The following MARCHF1 variants were observed in gnomAD, a reference collection of about 807,000 sequenced individuals.
MARCHF1 encodes the protein E3 ubiquitin-protein ligase MARCHF1.
Under a neutral mutation model 54.2 loss-of-function variants are expected in MARCHF1, and 40 were observed. The ratio of observed to expected loss-of-function variants is 0.74; its 90% confidence interval spans 0.57 to 0.96. MARCHF1 has a LOEUF of 0.96. Ranked by LOEUF, MARCHF1 falls within the 40% of genes least tolerant of loss-of-function variation. MARCHF1 has a pLI of 0.00. For missense variants in MARCHF1, 586 were observed against 656.5 expected, an observed-to-expected ratio of 0.89 and a Z score of 1.17; for synonymous variants, 236 against 236.3, an observed-to-expected ratio of 1.00 and a Z score of 0.01.
At position 163,894,916 on chromosome 4, in the gene MARCHF1, T is replaced by C. The variant is rs71639392; in HGVS notation, c.-38-40747A>G. ...TATATGCATGTGATGCATATATATA[T>C]ATATGCATGTGATGCATATATATAT... On this transcript the variant is annotated intron_variant, in intron 3 of 9. Transcript: ENST00000514618. Among the ~76,000 whole-genome samples, 5 of 55,580 alleles carry C rather than the reference T, an allele frequency of 9.0e-5. 1 individual carries two copies. The highest frequency in any genetic ancestry group is 2.5e-4 in the Admixed American group (1 of 4,006). 36.5% of individuals were successfully genotyped at this position (55,580 alleles called of 152,430 possible).
chr4:164,234,311 C>T (rs1732489921), intron 1 of MARCHF1, among the ~76,000 whole-genome samples: 1 of 152,094 alleles, frequency 6.6e-6, no homozygotes, highest in African/African-American at 2.4e-5. Flanking sequence ...TGAATAATTA[C>T]TATACAATAA....
intron 4 of MARCHF1, among the ~76,000 whole-genome samples, chr4:163,827,372 TAGG>T (rs1268727395): frequency 6.6e-6 from 1 of 152,138 alleles, no homozygotes; most frequent in African/African-American, 2.4e-5. Flanking sequence ...GACACTTCCG[TAGG>T]AGATTATTCT....
At chr4:164,249,185 A>G (rs949181086) in intron 1 of MARCHF1, among the ~76,000 whole-genome samples, 2 of 152,146 alleles carry the variant, frequency 1.3e-5, no homozygotes, top group Non-Finnish European at 2.9e-5. Context: ...AAAGATTAAC[A>G]GAGGAAGAAG....
At chr4:164,180,836 T>C (rs1281844964) in intron 1 of MARCHF1, among the ~76,000 whole-genome samples, 4 of 152,194 alleles carry the variant, frequency 2.6e-5, no homozygotes, top group South Asian at 2.1e-4. Context: ...AACTGCTACA[T>C]CCGCTTGCCA....
chr4:163,738,395 T>C (rs986722035), intron 4 of MARCHF1, among the ~76,000 whole-genome samples: 1 of 147,714 alleles, frequency 6.8e-6, no homozygotes, highest in Non-Finnish European at 1.5e-5. Context: ...TAAATCCCAA[T>C]ACATATATTT....
chr4:164,312,325 T>TC (rs199815200), intron 1 of MARCHF1, among the ~76,000 whole-genome samples: 1,962 of 141,296 alleles, frequency 0.014, 45 homozygotes, highest in African/African-American at 0.049. Context: ...TTTTCTTTTT[T>TC]TTTTTTTTTT....
At chr4:163,828,912 G>A (rs961509653) in intron 4 of MARCHF1, 13 of 152,338 alleles carry the variant, frequency 8.5e-5, no homozygotes, top group African/African-American at 3.1e-4. Context: ...GTTCTAGACA[G>A]AGGTATAGAG....
intron 5 of MARCHF1, among the ~76,000 whole-genome samples, chr4:163,663,929 A>G (rs1743437409): frequency 6.6e-6 from 1 of 151,972 alleles, no homozygotes; most frequent in Non-Finnish European, 1.5e-5. Context: ...ATGTACTTGA[A>G]AAAATGGGGC....
intron 1 of MARCHF1, among the ~76,000 whole-genome samples, chr4:164,264,361 A>C (rs1733549216): frequency 1.3e-5 from 2 of 152,170 alleles, no homozygotes; most frequent in African/African-American, 4.8e-5. Flanking sequence ...AAGGAAGAGA[A>C]GCAGAAAAGA....
chr4:164,309,536 T>C (rs1734791443), intron 1 of MARCHF1, among the ~76,000 whole-genome samples: 1 of 152,210 alleles, frequency 6.6e-6, no homozygotes, highest in Non-Finnish European at 1.5e-5. Context: ...TTATTTAGAT[T>C]AGAAGAAGTG....
chr4:163,588,867 C>T (rs11735834), intron 7 of MARCHF1, among the ~76,000 whole-genome samples: 72,292 of 151,748 alleles, frequency 0.48, 17,363 homozygotes, highest in African/African-American at 0.54. Flanking sequence ...TGTCTTAAAG[C>T]ACACACGTGA....
chr4:163,750,989 T>C (rs1206539439), intron 4 of MARCHF1, among the ~76,000 whole-genome samples: 2 of 152,186 alleles, frequency 1.3e-5, no homozygotes, highest in Non-Finnish European at 1.5e-5. Flanking sequence ...AAAATTATTT[T>C]CAAAATAGAA....
chr4:164,272,738 G>A (rs189355892), intron 1 of MARCHF1, among the ~76,000 whole-genome samples: 5 of 151,576 alleles, frequency 3.3e-5, no homozygotes, highest in South Asian at 2.1e-4. Context: ...TTTTACCATC[G>A]CTCTTTATTC....
chr4:163,725,534 A>C (rs1009755887), intron 4 of MARCHF1, among the ~76,000 whole-genome samples: 3 of 152,162 alleles, frequency 2.0e-5, no homozygotes, highest in Non-Finnish European at 4.4e-5. Flanking sequence ...ATGAACAAAA[A>C]AAGTATGGTA....
intron 8 of MARCHF1, among the ~76,000 whole-genome samples, chr4:163,550,296 A>AAAAAGAAAAG (rs1392350612): frequency 1.0e-4 from 15 of 148,310 alleles, no homozygotes; most frequent in African/African-American, 3.5e-4. Context: ...AAAAAAAAAA[A>AAAAAGAAAAG]AAAAGAAAAG....
At position 163,612,268 on chromosome 4, in the gene MARCHF1, G is replaced by A; in HGVS notation, c.1010+3C>T. The A allele has an allele frequency of 2.7e-6, 4 of 1,490,850 alleles. No homozygotes were observed. Among genetic ancestry groups the A allele is most frequent in the Non-Finnish European group, 3.5e-6 (4 of 1,129,742 alleles). 92.4% of individuals were successfully genotyped at this position (1,490,850 alleles called of 1,614,324 possible). ...CATCAAGCCTTTCTCTACAGTGACT[G>A]ACCTGCATACTTCTAAATTATCAGA... On this transcript the variant is annotated splice_donor_region_variant and intron_variant, in intron 7 of 9. Coordinates refer to ENST00000514618, the MANE Select transcript of MARCHF1 (RefSeq NM_001394959.1).
At chr4:163,991,983 T>C (rs4691947) in intron 2 of MARCHF1, among the ~76,000 whole-genome samples, 146,298 of 150,142 alleles carry the variant, frequency 0.97, 71,387 homozygotes, top group East Asian at 1. Flanking sequence ...GTGGCCTAGG[T>C]TGTCTCTAGT....
chr4:164,163,681 A>C (rs1730298875), intron 1 of MARCHF1, among the ~76,000 whole-genome samples: 1 of 151,932 alleles, frequency 6.6e-6, no homozygotes, highest in South Asian at 2.1e-4. Flanking sequence ...TGAATGAATG[A>C]GAGAATGAAT....
chr4:164,131,779 G>A (rs1341990283), intron 1 of MARCHF1, among the ~76,000 whole-genome samples: 6 of 151,956 alleles, frequency 3.9e-5, no homozygotes, highest in African/African-American at 9.7e-5. Flanking sequence ...TTAGTTTAAC[G>A]CCTGAGAAGT....
Sources: gnomAD v4.1 joint callset for allele counts (sites outside exome capture counted in the v4.1 genomes callset) on GRCh38, gnomAD v4.1.1 for gene constraint, MANE v1.5 for transcripts, NCBI Gene and HGNC (gene_info 2026-07-23, HGNC 2026-07-21) for gene names.